DAAM2: variants seen among roughly 807,000 people sequenced by gnomAD.
DAAM2 encodes the protein dishevelled associated activator of morphogenesis 2.
A neutral mutation model predicts 120.7 loss-of-function variants in DAAM2; 39 were observed. The observed-to-expected ratio is 0.32, with a 90% CI of 0.25 to 0.42. The LOEUF (loss-of-function observed/expected upper bound fraction) is 0.42, where lower values mean the gene tolerates loss of function less well. Among genes scored for constraint, DAAM2 ranks in the 10% least tolerant of loss-of-function variants. The probability of loss-of-function intolerance (pLI) is 1.00; values close to 1 mark genes in which losing one functional copy is unlikely to be tolerated. For synonymous variants in DAAM2, 488 were observed against 524.9 expected (o/e 0.93, Z 0.96); for missense variants, 1,283 against 1,401.7 (o/e 0.92, Z 1.35).
intron 3 of DAAM2, 133 bp downstream of exon 3, chr6:39,861,150 A>T (rs1402649928): frequency 1.3e-6 from 1 of 744,646 alleles, no homozygotes; most frequent in Non-Finnish European, 2.4e-6. Context: ...GAGGAACAAC[A>T]GTGAATAAAA....
At chr6:39,900,915 A>T (rs1452389469) in intron 23 of DAAM2, among the ~76,000 whole-genome samples, 1 of 152,098 alleles carries the variant, frequency 6.6e-6, no homozygotes, top group Non-Finnish European at 1.5e-5. Context: ...TATTATTCCC[A>T]TTTGACAGTG....
intron 1 of DAAM2, among the ~76,000 whole-genome samples, chr6:39,832,101 G>T (rs1040529693): frequency 5.3e-5 from 8 of 151,060 alleles, no homozygotes; most frequent in African/African-American, 2.0e-4. Flanking sequence ...AGGTGTACTG[G>T]GGGGACAGGT....
Position 39,861,034 on chromosome 6 carries a change from C to T in DAAM2, c.258+17C>T, listed in dbSNP as rs915645977. 1 of 1,593,548 alleles carries T rather than the reference C, an allele frequency of 6.3e-7. No individual in the cohort carries two copies. The highest frequency in any genetic ancestry group is 1.3e-5 in the African/African-American group (1 of 74,654). ...AAGAAGAAGGTGCCCTCTCTGACCC[C>T]TCTGGCCACATCTCAGGGTTCATGG... is the stretch of plus-strand genomic sequence containing the variant. On this transcript the variant is annotated intron_variant, in intron 3 of 24. Transcript: ENST00000274867.
At chr6:39,832,413 C>T (rs572468978) in intron 1 of DAAM2, among the ~76,000 whole-genome samples, 2 of 150,564 alleles carry the variant, frequency 1.3e-5, no homozygotes, top group East Asian at 4.1e-4. Context: ...CTGGGAATAA[C>T]CCACTTAGTG....
intron 1 of DAAM2, among the ~76,000 whole-genome samples, chr6:39,847,232 G>A (rs1230611143): frequency 6.6e-6 from 1 of 152,234 alleles, no homozygotes; most frequent in Non-Finnish European, 1.5e-5. Flanking sequence ...GGGACCCTGG[G>A]AGAGAGGATC....
chr6:39,888,423 G>T, intron 16 of DAAM2: 1 of 315,042 alleles, frequency 3.2e-6, no homozygotes. Context: ...ACTCCCAAAT[G>T]CCCCTATCAG....
At chr6:39,861,351 G>A (rs1764204694) in intron 3 of DAAM2, 1 of 388,428 alleles carries the variant, frequency 2.6e-6, no homozygotes, top group African/African-American at 2.1e-5. Flanking sequence ...GACCATACCT[G>A]GAGCAGCTTT....
chr6:39,891,482 T>G, intron 18 of DAAM2, 35 bp downstream of exon 18: 1 of 1,559,210 alleles, frequency 6.4e-7, no homozygotes, highest in Non-Finnish European at 8.7e-7. Context: ...TTCAAGCAGG[T>G]GGGGTTCTGG....
At chr6:39,833,062 A>G (rs1230036395) in intron 1 of DAAM2, among the ~76,000 whole-genome samples, 1 of 152,094 alleles carries the variant, frequency 6.6e-6, no homozygotes, top group Non-Finnish European at 1.5e-5. Context: ...GGGTTTAGGC[A>G]GGGTTTATCC....
intron 1 of DAAM2, among the ~76,000 whole-genome samples, chr6:39,806,544 T>A (rs1157796098): frequency 6.6e-6 from 1 of 152,196 alleles, no homozygotes; most frequent in Non-Finnish European, 1.5e-5. Flanking sequence ...CTGCTTCATG[T>A]GATTTATCTC....
chr6:39,858,532 A>G (rs1764094160), intron 2 of DAAM2, among the ~76,000 whole-genome samples: 1 of 152,190 alleles, frequency 6.6e-6, no homozygotes, highest in Non-Finnish European at 1.5e-5. Flanking sequence ...AGGATAGGAT[A>G]TACTGGAGGA....
intron 1 of DAAM2, among the ~76,000 whole-genome samples, chr6:39,837,802 C>T (rs1233968282): frequency 6.6e-6 from 1 of 151,876 alleles, no homozygotes; most frequent in Non-Finnish European, 1.5e-5. Flanking sequence ...ATGGCCCCTA[C>T]AAAACCCCAA....
chr6:39,816,089 C>T lies in DAAM2; in HGVS notation c.-57+23624C>T, dbSNP rs112252448. On this transcript the variant is annotated intron_variant, in intron 1 of 24. Transcript: ENST00000274867. ...ATGAACTGTGCTACCTCTCAGGATG[C>T]TTTAGTGATAGTTTTGGTTTTTCTC... 2.0e-3 allele frequency among the ~76,000 whole-genome samples: 311 copies of T among 152,268 alleles called. 1 individual carries two copies. The highest frequency in any genetic ancestry group is 7.1e-3 in the African/African-American group (294 of 41,546).
rs1378104048 is a variant in DAAM2, at chr6:39,904,217, T to C, written c.*2180T>C. Reference sequence around the variant, plus strand: ...GAAAAGCAGAATTTGGTTCAACTGTTGACAGAGGACACAAATACGTTGTTC... The same window carrying C: ...GAAAAGCAGAATTTGGTTCAACTGTCGACAGAGGACACAAATACGTTGTTC... On this transcript the variant is annotated 3_prime_UTR_variant, in exon 25 of 25. Coordinates refer to ENST00000274867, the MANE Select transcript of DAAM2 (RefSeq NM_001201427.2). 8.8e-6 allele frequency: 4 copies of C among 456,734 alleles called. No homozygotes were observed. The East Asian group carries it at 2.8e-4, about 32-fold the overall frequency. 28.3% of individuals were successfully genotyped at this position (456,734 alleles called of 1,614,324 possible). A position where few individuals can be genotyped will look rare whatever the true frequency, so the allele number is the denominator to read the frequency against.
At chr6:39,799,156 T>G (rs1242820154) in intron 1 of DAAM2, among the ~76,000 whole-genome samples, 1 of 152,030 alleles carries the variant, frequency 6.6e-6, no homozygotes. Flanking sequence ...CCCCACTGTT[T>G]GGTGGCTCCT....
At chr6:39,836,442 G>A (rs983275287) in intron 1 of DAAM2, among the ~76,000 whole-genome samples, 7 of 152,100 alleles carry the variant, frequency 4.6e-5, no homozygotes, top group Non-Finnish European at 5.9e-5. Flanking sequence ...AGAAAAACGC[G>A]AGGTCATTAT....
intron 11 of DAAM2, among the ~76,000 whole-genome samples, chr6:39,875,864 A>G (rs1400750608): frequency 6.6e-6 from 1 of 152,178 alleles, no homozygotes; most frequent in Non-Finnish European, 1.5e-5. Flanking sequence ...TAAACACATT[A>G]ACGTAGAACA....
At chr6:39,800,094 C>T (rs1000444940) in intron 1 of DAAM2, among the ~76,000 whole-genome samples, 7 of 152,134 alleles carry the variant, frequency 4.6e-5, no homozygotes, top group African/African-American at 1.7e-4. Context: ...TATTTGGGAT[C>T]ACATTGTTCC....
Position 39,878,320 on chromosome 6 carries a change from A to C in DAAM2, c.1360+59A>C. The C allele has an allele frequency of 6.2e-7, 1 of 1,611,854 alleles. No homozygotes were observed. The highest frequency in any genetic ancestry group is 8.5e-7 in the Non-Finnish European group (1 of 1,178,482). ...CACATGCCCTTCCCCTGCCCAGCCC[A>C]TAACTCCATGCCCTTCCAGGCAGGG... On this transcript the variant is annotated intron_variant, in intron 12 of 24. Transcript: ENST00000274867. This position sits in a 1 kb window ranked among gnomAD's most constrained non-coding sequence, Gnocchi z 5.0.
Sources: gnomAD v4.1 joint callset for allele counts (sites outside exome capture counted in the v4.1 genomes callset) on GRCh38, gnomAD v4.1.1 for gene constraint, Gnocchi (gnomAD v3.1) non-coding constraint, MANE v1.5 for transcripts, NCBI Gene and HGNC (gene_info 2026-07-23, HGNC 2026-07-21) for gene names.